The following HSD17B12 variants were observed in gnomAD, a reference collection of about 807,000 sequenced individuals.
HSD17B12 encodes hydroxysteroid 17-beta dehydrogenase 12, also known as very-long-chain 3-oxoacyl-CoA reductase.
Under a neutral mutation model 39.3 loss-of-function variants are expected in HSD17B12, and 32 were observed. That is an observed-to-expected ratio of 0.81 (90% CI 0.61 to 1.09). The LOEUF is 1.09. Ranked by LOEUF, HSD17B12 falls within the 50% of genes least tolerant of loss-of-function variation. The pLI, the probability that HSD17B12 is intolerant of heterozygous loss-of-function variation, is 0.00. For synonymous variants in HSD17B12, 150 were observed against 146.7 expected (o/e 1.02, Z -0.16); for missense variants, 342 against 382.9 (o/e 0.89, Z 0.89).
At chr11:43,748,819 GATAA>G (rs1565074105) in intron 1 of HSD17B12, among the ~76,000 whole-genome samples, 1 of 151,956 alleles carries the variant, frequency 6.6e-6, no homozygotes, top group African/African-American at 2.4e-5. Flanking sequence ...TTTGAAAACT[GATAA>G]ATAAAGGCAA....
rs747170563 is a variant in HSD17B12 at position 43,750,928 on chromosome 11, G to A, written c.178G>A (p.Asp60Asn). The change falls in exon 2 of 11, where the codon GAT becomes AAT. Residue 60 changes from aspartate (D) to asparagine (N), a missense_variant. By Grantham distance (23) the Asp-to-Asn change is conservative. Coordinates refer to ENST00000278353, the MANE Select transcript of HSD17B12 (RefSeq NM_016142.3). The part of the protein sequence containing the change: ...GEWAVVTGST[D>N]GIGKSYAEEL... ...TTTCCCAGTTGTCACAGGTAGTACTGATGGAATTGGAAAATCATATGCAGA... is the reference window on the plus strand; with the variant it reads ...TTTCCCAGTTGTCACAGGTAGTACTAATGGAATTGGAAAATCATATGCAGA... 6.9e-6 allele frequency: 11 copies of A among 1,602,712 alleles called. 1 individual carries two copies. Among genetic ancestry groups the A allele is most frequent in the Middle Eastern group, 1.7e-4 (1 of 5,948 alleles).
chr11:43,751,365 A>T (rs1950463166), intron 2 of HSD17B12, among the ~76,000 whole-genome samples: 1 of 152,208 alleles, frequency 6.6e-6, no homozygotes, highest in Admixed American at 6.5e-5. Context: ...ACTGTGATTA[A>T]CAGAAAGGTA....
Position 43,856,473 on chromosome 11 carries a change from TAAAC to T in HSD17B12, c.*1233_*1236del, listed in dbSNP as rs1404046184. On this transcript the variant is annotated 3_prime_UTR_variant, in exon 11 of 11. Coordinates refer to ENST00000278353, the MANE Select transcript of HSD17B12 (RefSeq NM_016142.3). The stretch of plus-strand genomic sequence containing the variant: ...GCCAGCTAAGGACATAAAACAAAAA[TAAAC>T]AAACAAAAACAAATAGCCATCTGCT... The T allele has an allele frequency of 2.6e-5, 4 of 152,014 alleles. No individual in the cohort carries two copies. Among genetic ancestry groups the T allele is most frequent in the Non-Finnish European group, 1.5e-5 (1 of 67,978 alleles). 9.4% of individuals were successfully genotyped at this position (152,014 alleles called of 1,614,324 possible).
At chr11:43,716,026 G>C (rs1950119645) in intron 1 of HSD17B12, among the ~76,000 whole-genome samples, 1 of 152,010 alleles carries the variant, frequency 6.6e-6, no homozygotes, top group Admixed American at 6.6e-5. Flanking sequence ...TTTTCAAATA[G>C]CCACATTTAT....
intron 3 of HSD17B12, among the ~76,000 whole-genome samples, chr11:43,766,744 C>T (rs999240259): frequency 6.6e-6 from 1 of 152,188 alleles, no homozygotes; most frequent in East Asian, 1.9e-4. Flanking sequence ...GAAACTTCCT[C>T]ATGTTCTTAC....
At chr11:43,601,078 T>C in the HSD17B12 span, among the ~76,000 whole-genome samples, 2 of 151,580 alleles carry the variant, frequency 1.3e-5, no homozygotes, top group African/African-American at 4.8e-5. Flanking sequence ...CTTTTTTTAT[T>C]TTTATTTTTT....
chr11:43,685,121 G>T (rs140083237), intron 1 of HSD17B12, among the ~76,000 whole-genome samples: 3 of 152,136 alleles, frequency 2.0e-5, no homozygotes, highest in African/African-American at 7.2e-5. Context: ...TCTACCCTCT[G>T]GATGTTTACA....
intron 3 of HSD17B12, among the ~76,000 whole-genome samples, chr11:43,793,273 T>C (rs1950885483): frequency 6.6e-6 from 1 of 152,132 alleles, no homozygotes; most frequent in Non-Finnish European, 1.5e-5. Context: ...AAGGGTGATA[T>C]GACAGAAATT....
At chr11:43,636,350 C>T in the HSD17B12 span, among the ~76,000 whole-genome samples, 8 of 152,064 alleles carry the variant, frequency 5.3e-5, no homozygotes, top group East Asian at 1.5e-3. Context: ...TGGGCTGTGT[C>T]CTAGGAGGAA....
the HSD17B12 span, among the ~76,000 whole-genome samples, chr11:43,568,437 C>T: frequency 3.3e-5 from 5 of 152,028 alleles, no homozygotes; most frequent in East Asian, 1.9e-4. Flanking sequence ...ATTCAGCCCT[C>T]GAGGCAATTA....
chr11:43,796,093 C>G (rs1950913514), intron 3 of HSD17B12, among the ~76,000 whole-genome samples: 1 of 152,086 alleles, frequency 6.6e-6, no homozygotes, highest in Admixed American at 6.6e-5. Context: ...GCTAGGATCC[C>G]CTATGGCTAG....
chr11:43,639,709 A>G, the HSD17B12 span, among the ~76,000 whole-genome samples: 3 of 152,204 alleles, frequency 2.0e-5, no homozygotes, highest in Non-Finnish European at 4.4e-5. Flanking sequence ...TTAGGAAACC[A>G]AAGGTTGCCA....
intron 7 of HSD17B12, among the ~76,000 whole-genome samples, chr11:43,835,716 A>C (rs1285903432): frequency 6.6e-6 from 1 of 152,108 alleles, no homozygotes; most frequent in East Asian, 1.9e-4. Flanking sequence ...TTAGCATGCA[A>C]ATACTGTATT....
At chr11:43,654,350 G>C in the HSD17B12 span, among the ~76,000 whole-genome samples, 1 of 152,104 alleles carries the variant, frequency 6.6e-6, no homozygotes, top group Non-Finnish European at 1.5e-5. Flanking sequence ...TAGGTTGCCT[G>C]TTCACTCTGA....
At chr11:43,759,393 G>A (rs1950537825) in intron 3 of HSD17B12, among the ~76,000 whole-genome samples, 1 of 152,140 alleles carries the variant, frequency 6.6e-6, no homozygotes, top group Non-Finnish European at 1.5e-5. Context: ...TGTCAGGATT[G>A]ACTGCTTTGA....
At chr11:43,799,477 T>C (rs927832409) in intron 4 of HSD17B12, among the ~76,000 whole-genome samples, 4 of 152,144 alleles carry the variant, frequency 2.6e-5, no homozygotes, top group Non-Finnish European at 5.9e-5. Flanking sequence ...TATTGAACTT[T>C]GTTATGGAAA....
At chr11:43,597,940 C>T in the HSD17B12 span, among the ~76,000 whole-genome samples, 1 of 152,084 alleles carries the variant, frequency 6.6e-6, no homozygotes, top group African/African-American at 2.4e-5. Context: ...CAGCCCCCTC[C>T]TGCTTTTCTT....
the HSD17B12 span, among the ~76,000 whole-genome samples, chr11:43,567,814 C>T: frequency 1.3e-5 from 2 of 152,192 alleles, no homozygotes; most frequent in African/African-American, 4.8e-5. Context: ...TCATTTAATA[C>T]TCACCATAAA....
intron 6 of HSD17B12, among the ~76,000 whole-genome samples, chr11:43,819,262 T>C (rs1424283197): frequency 6.6e-6 from 1 of 152,210 alleles, no homozygotes. Context: ...TATACTCTTA[T>C]GGTGTAAAAC....
Sources: gnomAD v4.1 joint callset for allele counts (sites outside exome capture counted in the v4.1 genomes callset) on GRCh38, gnomAD v4.1.1 for gene constraint, MANE v1.5 for transcripts, NCBI Gene and HGNC (gene_info 2026-07-23, HGNC 2026-07-21) for gene names.